Variants in STK11IP observed in about 807,000 individuals in gnomAD.
STK11IP encodes serine/threonine kinase 11 interacting protein.
Under a neutral mutation model 131.7 loss-of-function variants are expected in STK11IP, and 103 were observed. That is an observed-to-expected ratio of 0.78 (90% CI 0.67 to 0.92). The LOEUF (loss-of-function observed/expected upper bound fraction) is 0.92, where lower values mean the gene tolerates loss of function less well. STK11IP is among the 40% of genes least tolerant of loss of function. STK11IP has a pLI of 0.00. For synonymous variants in STK11IP, 557 were observed against 575.6 expected (o/e 0.97, Z 0.46); for missense variants, 1,315 against 1,385.7 (o/e 0.95, Z 0.81).
In STK11IP at chr2:219,608,107, G is replaced by A. The variant is rs1441043098; in HGVS notation, c.1280G>A (p.Gly427Asp). Residue 427 changes from glycine to aspartate, a missense_variant, in exon 14 of 25, where the codon GGC becomes GAC. Gly to Asp is a moderately conservative substitution (Grantham distance 94, BLOSUM62 -1). Coordinates refer to ENST00000456909, the MANE Select transcript of STK11IP (RefSeq NM_052902.4). ...ELMSSFRERF[G>D]RNWLQYRSHL... ...ATGAGCAGCTTCCGGGAACGGTTCG[G>A]CCGCAACTGGCTGCAGTACAGGAGT... The A allele has an allele frequency of 2.5e-6, 4 of 1,613,024 alleles. No individual in the cohort carries two copies. The highest frequency in any genetic ancestry group is 2.5e-6 in the Non-Finnish European group (3 of 1,179,890).
rs1697855561 is a variant in STK11IP at position 219,598,136 on chromosome 2, G to C, written c.17G>C (p.Arg6Thr). 6.3e-7 allele frequency: 1 copy of C among 1,590,528 alleles called. No individual in the cohort carries two copies. Among genetic ancestry groups the C allele is most frequent in the East Asian group, 2.3e-5 (1 of 43,048 alleles). Residue 6 changes from arginine (R) to threonine (T), a missense_variant, in exon 2 of 25, where the codon AGG (arginine) becomes ACG (threonine). Physicochemically the swap from Arg to Thr is moderately conservative, Grantham distance 71. Transcript: ENST00000456909. ...CCCGTGGCCATGACGACCGCTCAGA[G>C]GGACTCCCTGTTGTGGAAGCTCGCG... is the stretch of plus-strand genomic sequence containing the variant. MTTAQ[R>T]DSLLWKLAGL...
At chr2:219,606,436 G>A (rs1358140669) in intron 10 of STK11IP, 40 bp from the exon 11 acceptor site, 7 of 1,599,670 alleles carry the variant, frequency 4.4e-6, no homozygotes, top group Non-Finnish European at 6.0e-6. Context: ...AGCAGGATGG[G>A]CCTACCACAT....
intron 23 of STK11IP, 146 bp from the exon 24 acceptor site, chr2:219,614,948 G>A (rs1382703385): frequency 7.4e-6 from 7 of 941,782 alleles, no homozygotes; most frequent in African/African-American, 1.7e-5. Flanking sequence ...GGGAAAGGGA[G>A]GGTCTTGGCC....
chr2:219,615,358 C>T lies in STK11IP; in HGVS notation c.3117+17C>T. 6.3e-7 allele frequency: 1 copy of T among 1,587,424 alleles called. No individual in the cohort carries two copies. Among genetic ancestry groups the T allele is most frequent in the Non-Finnish European group, 8.6e-7 (1 of 1,169,422 alleles). ...TACGATGAGGTGTGTATGTGTATCT[C>T]CAGTGAGAGGGAGGGAGGGGAGATG... On this transcript the variant is annotated intron_variant, in intron 24 of 24. Coordinates refer to ENST00000456909, the MANE Select transcript of STK11IP (RefSeq NM_052902.4).
At position 219,606,872 on chromosome 2, in the gene STK11IP, T is replaced by G; in HGVS notation, c.1134+14T>G. 1 of 1,602,072 alleles carries G rather than the reference T, an allele frequency of 6.2e-7. No individual in the cohort carries two copies. The highest frequency in any genetic ancestry group is 1.7e-5 in the Admixed American group (1 of 59,084). On this transcript the variant is annotated intron_variant, in intron 12 of 24. Coordinates refer to ENST00000456909, the MANE Select transcript of STK11IP (RefSeq NM_052902.4). ...CATAAGGTTAAGGTAAGCAGCGTCC[T>G]CCGCTGCCTTGTGCCTGCGGTTGGG...
chr2:219,615,014 C>T (rs958446670), intron 23 of STK11IP, 80 bp from the exon 24 acceptor site: 6 of 1,496,918 alleles, frequency 4.0e-6, no homozygotes, highest in South Asian at 1.3e-5. Flanking sequence ...CACCTCTTCT[C>T]CCCAGCAGCA....
intron 2 of STK11IP, among the ~76,000 whole-genome samples, chr2:219,599,897 C>T (rs1351219207): frequency 6.6e-6 from 1 of 151,786 alleles, no homozygotes; most frequent in Non-Finnish European, 1.5e-5. Flanking sequence ...ACCACCATGC[C>T]CTACTAATTT....
chr2:219,604,795 C>A (rs1050332847), intron 7 of STK11IP, among the ~76,000 whole-genome samples: 3 of 151,180 alleles, frequency 2.0e-5, no homozygotes, highest in African/African-American at 7.3e-5. Flanking sequence ...CTGAACAGAG[C>A]CTGGAAGATA....
intron 12 of STK11IP, 22 bp downstream of exon 12, chr2:219,606,880 C>T: frequency 6.3e-7 from 1 of 1,598,866 alleles, no homozygotes; most frequent in Non-Finnish European, 8.5e-7. Context: ...CCTCCGCTGC[C>T]TTGTGCCTGC....
chr2:219,612,464 C>T (rs772411649), intron 19 of STK11IP, among the ~76,000 whole-genome samples: 1 of 152,218 alleles, frequency 6.6e-6, no homozygotes, highest in Non-Finnish European at 1.5e-5. Flanking sequence ...GAGAAGCTGA[C>T]AATGATTATG....
chr2:219,601,592 A>G, intron 3 of STK11IP, 49 bp from the exon 4 acceptor site: 1 of 1,555,256 alleles, frequency 6.4e-7, no homozygotes, highest in East Asian at 2.4e-5. Context: ...TGTTGAGGGC[A>G]GGAAGATCTG....
At chr2:219,607,963 T>C (rs546798042) in intron 13 of STK11IP, 84 bp from the exon 14 acceptor site, 279 of 1,533,670 alleles carry the variant, frequency 1.8e-4, no homozygotes, top group Non-Finnish European at 2.3e-4. Context: ...CATCGCCCCC[T>C]CATCGCTGAG....
chr2:219,610,409 T>C (rs144180116), intron 17 of STK11IP, among the ~76,000 whole-genome samples: 43 of 138,770 alleles, frequency 3.1e-4, no homozygotes, highest in Middle Eastern at 7.4e-3. Context: ...TTTTTTTTTT[T>C]CTTTTTTTTT....
At chr2:219,598,013 C>T (rs1697847747) in intron 1 of STK11IP, 81 bp from the exon 2 acceptor site, 2 of 1,579,034 alleles carry the variant, frequency 1.3e-6, no homozygotes, top group Non-Finnish European at 1.7e-6. Flanking sequence ...CTCCGCATGA[C>T]GCCTCGGTTT....
Position 219,614,245 on chromosome 2 carries a change from G to C in STK11IP, c.2798+3G>C. ...GTCACCCCCCAGCACCGGCTCTGGT[G>C]AGTCGATAGGAGGCAGAGGCTGGGG... On this transcript the variant is annotated splice_donor_region_variant and intron_variant, in intron 22 of 24. Transcript: ENST00000456909. The C allele has an allele frequency of 3.1e-6, 5 of 1,613,174 alleles. No homozygotes were observed. Among genetic ancestry groups the C allele is most frequent in the Non-Finnish European group, 4.2e-6 (5 of 1,179,706 alleles).
intron 2 of STK11IP, among the ~76,000 whole-genome samples, 185 bp from the exon 3 acceptor site, chr2:219,601,050 T>G (rs558396865): frequency 6.6e-6 from 1 of 152,302 alleles, no homozygotes; most frequent in South Asian, 2.1e-4. Context: ...ATGTTAGGAC[T>G]TTTTTTGAAG....
At chr2:219,610,289 C>T (rs1698351285) in intron 17 of STK11IP, among the ~76,000 whole-genome samples, 1 of 152,262 alleles carries the variant, frequency 6.6e-6, no homozygotes, top group Admixed American at 6.5e-5. Flanking sequence ...AGAAACAGCC[C>T]CCAGCCCCTC....
chr2:219,600,713 T>C (rs982429914), intron 2 of STK11IP, among the ~76,000 whole-genome samples: 4 of 152,208 alleles, frequency 2.6e-5, no homozygotes, highest in South Asian at 2.1e-4. Context: ...TGACATACTT[T>C]TTAGTATTGT....
At chr2:219,609,041 A>G (rs1698299421) in intron 15 of STK11IP, 56 bp from the exon 16 acceptor site, 10 of 1,350,526 alleles carry the variant, frequency 7.4e-6, no homozygotes, top group Non-Finnish European at 1.0e-5. Flanking sequence ...GCATCCCCTC[A>G]TCCCTCTGAT....
Sources: gnomAD v4.1 joint callset for allele counts (sites outside exome capture counted in the v4.1 genomes callset) on GRCh38, gnomAD v4.1.1 for gene constraint, MANE v1.5 for transcripts, NCBI Gene and HGNC (gene_info 2026-07-23, HGNC 2026-07-21) for gene names.